Variants in KCNH8 observed in about 807,000 individuals in gnomAD.
KCNH8 encodes voltage-gated delayed rectifier potassium channel KCNH8.
A neutral mutation model predicts 103.6 loss-of-function variants in KCNH8; 70 were observed. The observed-to-expected ratio is 0.68, with a 90% CI of 0.56 to 0.82. The LOEUF (loss-of-function observed/expected upper bound fraction) is 0.82. Among genes scored for constraint, KCNH8 ranks in the 40% least tolerant of loss-of-function variants. The probability of loss-of-function intolerance (pLI) is 0.00; values close to 1 mark genes in which losing one functional copy is unlikely to be tolerated. For missense variants in KCNH8, 1,217 were observed against 1,329.9 expected (o/e 0.92, Z 1.32); for synonymous variants, 498 against 489.4 (o/e 1.02, Z -0.23).
intron 11 of KCNH8, among the ~76,000 whole-genome samples, chr3:19,471,351 G>A (rs370506072): frequency 9.9e-5 from 15 of 152,080 alleles, no homozygotes; most frequent in Non-Finnish European, 1.9e-4. Context: ...CCTGCTCTAC[G>A]GTTACTTGGC....
chr3:19,464,413 G>A (rs778991850), intron 11 of KCNH8, among the ~76,000 whole-genome samples: 9 of 151,818 alleles, frequency 5.9e-5, no homozygotes, highest in East Asian at 1.9e-4. Context: ...AGACCTAAAC[G>A]AAAGAAAAAA....
chr3:19,449,085 GA>G (rs2067404388), intron 8 of KCNH8: 1 of 556,090 alleles, frequency 1.8e-6, no homozygotes, highest in Admixed American at 2.4e-5. Flanking sequence ...GTAATTCCTG[GA>G]AAGTGAGGTC....
intron 1 of KCNH8, among the ~76,000 whole-genome samples, chr3:19,246,807 C>T (rs1043757491): frequency 1.3e-5 from 2 of 151,998 alleles, no homozygotes; most frequent in Non-Finnish European, 2.9e-5. Context: ...TTCACTGGGT[C>T]TGGAGTGAAA....
intron 1 of KCNH8, among the ~76,000 whole-genome samples, chr3:19,189,175 A>G (rs2063528856): frequency 6.6e-6 from 1 of 152,120 alleles, no homozygotes; most frequent in South Asian, 2.1e-4. Context: ...CTGACAGGCC[A>G]GAAAGGTAGT....
chr3:19,383,584 G>C (rs1295156601), intron 5 of KCNH8, among the ~76,000 whole-genome samples: 1 of 152,090 alleles, frequency 6.6e-6, no homozygotes, highest in Non-Finnish European at 1.5e-5. Flanking sequence ...TGTTGGTCAG[G>C]CTGGTGTCAA....
chr3:19,532,571 C>T (rs1002496756), intron 15 of KCNH8, among the ~76,000 whole-genome samples: 2 of 152,188 alleles, frequency 1.3e-5, no homozygotes, highest in African/African-American at 4.8e-5. Flanking sequence ...TAGGTGTCTA[C>T]TCCAAATAGG....
chr3:19,384,086 C>T (rs1179103406), intron 5 of KCNH8, among the ~76,000 whole-genome samples: 1 of 152,114 alleles, frequency 6.6e-6, no homozygotes, highest in African/African-American at 2.4e-5. Flanking sequence ...ATATGGTAAA[C>T]TTATATAATA....
intron 11 of KCNH8, among the ~76,000 whole-genome samples, chr3:19,469,588 C>T (rs1358132644): frequency 7.2e-5 from 11 of 151,988 alleles, no homozygotes; most frequent in South Asian, 2.1e-4. Context: ...TACAGGCACC[C>T]GTCACAGTAT....
chr3:19,389,596 A>G (rs1404032607), intron 5 of KCNH8, among the ~76,000 whole-genome samples: 2 of 152,060 alleles, frequency 1.3e-5, no homozygotes, highest in African/African-American at 2.4e-5. Flanking sequence ...TATATAAAAT[A>G]AGGAATATAG....
At chr3:19,390,886 T>C (rs1203626214) in intron 6 of KCNH8, among the ~76,000 whole-genome samples, 1 of 152,150 alleles carries the variant, frequency 6.6e-6, no homozygotes, top group Non-Finnish European at 1.5e-5. Context: ...GCTGAATTTA[T>C]CATAAATACT....
chr3:19,393,432 A>G lies in KCNH8; in HGVS notation c.970-1672A>G, dbSNP rs1397074027. 4.6e-5 allele frequency among the ~76,000 whole-genome samples: 7 copies of G among 152,180 alleles called. 1 individual carries two copies. In the South Asian group the frequency reaches 1.5e-3, roughly 32 times the overall value. Reference sequence around the variant, plus strand: ...CAGATGACTATTGTTCTCATGTACAAGCAGCTCTACATTCTTTGCTCAAAC... The same window carrying G: ...CAGATGACTATTGTTCTCATGTACAGGCAGCTCTACATTCTTTGCTCAAAC... On this transcript the variant is annotated intron_variant, in intron 6 of 15. Coordinates refer to ENST00000328405, the MANE Select transcript of KCNH8 (RefSeq NM_144633.3).
At chr3:19,508,961 C>A (rs1575158461) in intron 11 of KCNH8, among the ~76,000 whole-genome samples, 1 of 152,152 alleles carries the variant, frequency 6.6e-6, no homozygotes, top group Admixed American at 6.5e-5. Context: ...GTTCAGCCTT[C>A]CTGAATCCCA....
intron 11 of KCNH8, 31 bp downstream of exon 11, chr3:19,457,013 C>A: frequency 6.8e-7 from 1 of 1,460,138 alleles, no homozygotes; most frequent in South Asian, 1.1e-5. Context: ...GTGCTAAGAC[C>A]TAATAACATT....
intron 11 of KCNH8, among the ~76,000 whole-genome samples, chr3:19,497,783 TC>T (rs1275367906): frequency 6.6e-6 from 1 of 152,212 alleles, no homozygotes; most frequent in East Asian, 1.9e-4. Context: ...ATTCAGGTCT[TC>T]AATATCTTCG....
chr3:19,269,373 G>C (rs2064557012), intron 2 of KCNH8, among the ~76,000 whole-genome samples: 1 of 151,778 alleles, frequency 6.6e-6, no homozygotes, highest in Non-Finnish European at 1.5e-5. Flanking sequence ...TACCTTTTCA[G>C]AACTATACTA....
chr3:19,342,569 A>G lies in KCNH8; in HGVS notation c.443-18A>G. On this transcript the variant is annotated intron_variant, in intron 3 of 15. Coordinates refer to ENST00000328405, the MANE Select transcript of KCNH8 (RefSeq NM_144633.3). ...ATGATGCATGCATGTGTGTCTAATGAGTTTTATTTTCCCCCAGACAAAGTC... is the reference window on the plus strand; with the variant it reads ...ATGATGCATGCATGTGTGTCTAATGGGTTTTATTTTCCCCCAGACAAAGTC... The G allele has an allele frequency of 6.2e-7, 1 of 1,606,084 alleles. No homozygotes were observed. Among genetic ancestry groups the G allele is most frequent in the Non-Finnish European group, 8.5e-7 (1 of 1,175,138 alleles).
intron 1 of KCNH8, among the ~76,000 whole-genome samples, chr3:19,246,326 G>T (rs2064206184): frequency 1.4e-5 from 2 of 141,756 alleles, no homozygotes; most frequent in Admixed American, 1.5e-4. Flanking sequence ...CGCCAGGCTG[G>T]AGTGCAGTGG....
At chr3:19,332,972 G>C (rs1461500704) in intron 3 of KCNH8, among the ~76,000 whole-genome samples, 4 of 152,146 alleles carry the variant, frequency 2.6e-5, no homozygotes, top group Admixed American at 1.3e-4. Flanking sequence ...CCAGCAATGT[G>C]TGAGAGATCC....
At chr3:19,471,989 G>A (rs1415500180) in intron 11 of KCNH8, among the ~76,000 whole-genome samples, 1 of 152,112 alleles carries the variant, frequency 6.6e-6, no homozygotes, top group Non-Finnish European at 1.5e-5. Context: ...ACTTTTTTCT[G>A]TATGCTATAC....
Sources: gnomAD v4.1 joint callset for allele counts (sites outside exome capture counted in the v4.1 genomes callset) on GRCh38, gnomAD v4.1.1 for gene constraint, MANE v1.5 for transcripts, NCBI Gene and HGNC (gene_info 2026-07-23, HGNC 2026-07-21) for gene names.